Variants in B3GALT5 observed in about 807,000 individuals in gnomAD.
The protein encoded by B3GALT5 is beta-1,3-galactosyltransferase 5, also known as UDP-Gal:betaGlcNAc beta 1,3-galactosyltransferase, polypeptide 5.
For synonymous variants in B3GALT5, 156 were observed against 158.6 expected, an observed-to-expected ratio of 0.98 and a Z score of 0.12; for missense variants, 328 against 396.6, an observed-to-expected ratio of 0.83 and a Z score of 1.47.
rs548483955 is a variant in B3GALT5 at position 39,657,545 on chromosome 21, G to A, written c.-160-2208G>A. 11 of 203,062 alleles carry A rather than the reference G, an allele frequency of 5.4e-5. No homozygotes were observed. The East Asian group carries it at 1.2e-3, about 21-fold the overall frequency. 12.6% of individuals were successfully genotyped at this position (203,062 alleles called of 1,614,324 possible). Reference sequence around the variant, plus strand: ...ATCTGGTTCTGAGGCTCTTGGTCTTGGACTGAGCCACACTCCTGGCATCCC... The same window carrying A: ...ATCTGGTTCTGAGGCTCTTGGTCTTAGACTGAGCCACACTCCTGGCATCCC... On this transcript the variant is annotated intron_variant, in intron 2 of 3. Transcript: ENST00000684187.
At position 39,667,661 on chromosome 21, in the gene B3GALT5, A is replaced by G. The variant is rs1201075303; in HGVS notation, c.*6169A>G. ...AGCCTCCAGCTTCCATGGTGGCAGG[A>G]GCCATGGAAAATAGAGACCCACCCG... On this transcript the variant is annotated 3_prime_UTR_variant, in exon 4 of 4. Transcript: ENST00000684187. 1.3e-5 allele frequency: 2 copies of G among 152,218 alleles called. No individual in the cohort carries two copies. Among genetic ancestry groups the G allele is most frequent in the African/African-American group, 4.8e-5 (2 of 41,450 alleles). 9.4% of individuals were successfully genotyped at this position (152,218 alleles called of 1,614,324 possible). A position where few individuals can be genotyped will look rare whatever the true frequency, so the allele number is the denominator to read the frequency against.
In B3GALT5 at chr21:39,661,621, T is replaced by A; in HGVS notation, c.*129T>A. The A allele has an allele frequency of 1.1e-6, 1 of 949,156 alleles. No individual in the cohort carries two copies. Among genetic ancestry groups the A allele is most frequent in the Non-Finnish European group, 1.5e-6 (1 of 678,098 alleles). 58.8% of individuals were successfully genotyped at this position (949,156 alleles called of 1,614,324 possible). Reference sequence around the variant, plus strand: ...GCTGAAATCCACGCCAGAATGTCGGTGTTCATGAAGTCACTGATTAGTTCC... The same window carrying A: ...GCTGAAATCCACGCCAGAATGTCGGAGTTCATGAAGTCACTGATTAGTTCC... On this transcript the variant is annotated 3_prime_UTR_variant, in exon 4 of 4. Coordinates refer to ENST00000684187, the MANE Select transcript of B3GALT5 (RefSeq NM_001356336.2). The surrounding 1 kb of genome is among the most constrained non-coding windows in gnomAD (Gnocchi z 4.7).
chr21:39,620,877 A>G (rs2079131067), intron 1 of B3GALT5, among the ~76,000 whole-genome samples: 1 of 152,134 alleles, frequency 6.6e-6, no homozygotes, highest in Admixed American at 6.5e-5. Context: ...ATTGTCTATA[A>G]ACAAGAATAG....
rs2079570145 is a variant in B3GALT5, at chr21:39,665,431, C to T, written c.*3939C>T. 6.6e-6 allele frequency: 1 copy of T among 152,242 alleles called. No homozygotes were observed. The highest frequency in any genetic ancestry group is 1.5e-5 in the Non-Finnish European group (1 of 68,078). The allele number at this position is 152,242 out of a possible 1,614,324, so 9.4% of individuals were successfully genotyped here. Reference sequence around the variant, plus strand: ...AAATCTCATTTCTCTGCTCAAAACCCTCCTGAGGTTTCCCATCACCAAGGA... The same window carrying T: ...AAATCTCATTTCTCTGCTCAAAACCTTCCTGAGGTTTCCCATCACCAAGGA... On this transcript the variant is annotated 3_prime_UTR_variant, in exon 4 of 4. Transcript: ENST00000684187.
At chr21:39,645,715 A>T (rs1207042811) in intron 1 of B3GALT5, among the ~76,000 whole-genome samples, 3 of 152,132 alleles carry the variant, frequency 2.0e-5, no homozygotes, top group African/African-American at 7.2e-5. Flanking sequence ...TGGACTTGGA[A>T]TAGAGACCTG....
In B3GALT5 at chr21:39,657,069, C is replaced by T. The variant is rs138330474; in HGVS notation, c.-160-2684C>T. 2.1e-4 allele frequency among the ~76,000 whole-genome samples: 32 copies of T among 152,342 alleles called. No homozygotes were observed. In the East Asian group the frequency reaches 5.2e-3, roughly 25 times the overall value. On this transcript the variant is annotated intron_variant, in intron 2 of 3. Transcript: ENST00000684187. ...AGGCAGAGGAGAAGGGAGGTCTACA[C>T]GTTCTGCACTGTATTTATCTCCTTC... is the stretch of plus-strand genomic sequence containing the variant.
rs149752242 is a variant in B3GALT5, at chr21:39,643,505, G to A, written c.-391-2887G>A. ...CCTGGCAGCAACAGCTGCCTTGCCTGCCTCTGCTTTCGCAGCTGTTTTATG... is the reference window on the plus strand; with the variant it reads ...CCTGGCAGCAACAGCTGCCTTGCCTACCTCTGCTTTCGCAGCTGTTTTATG... On this transcript the variant is annotated intron_variant, in intron 1 of 3. Coordinates refer to ENST00000684187, the MANE Select transcript of B3GALT5 (RefSeq NM_001356336.2). Among the ~76,000 whole-genome samples the A allele has an allele frequency of 1.7e-3, 260 of 152,286 alleles. No individual in the cohort carries two copies. In the Middle Eastern group the frequency reaches 0.027, roughly 16 times the overall value.
At chr21:39,648,231 G>T (rs1569216164) in intron 2 of B3GALT5, among the ~76,000 whole-genome samples, 1 of 152,172 alleles carries the variant, frequency 6.6e-6, no homozygotes, top group South Asian at 2.1e-4. Context: ...AGATTTAAAA[G>T]AATTGGGTTA....
chr21:39,638,177 C>T (rs1431038643), intron 1 of B3GALT5, among the ~76,000 whole-genome samples: 1 of 152,176 alleles, frequency 6.6e-6, no homozygotes, highest in Non-Finnish European at 1.5e-5. Flanking sequence ...GCCCACGAAC[C>T]TAGGTGAGGA....
rs551130231 is a variant in B3GALT5, at chr21:39,639,880, C to G, written c.-391-6512C>G. Among the ~76,000 whole-genome samples the G allele has an allele frequency of 2.6e-5, 4 of 152,302 alleles. No homozygotes were observed. In the South Asian group the frequency reaches 6.2e-4, roughly 24 times the overall value. On this transcript the variant is annotated intron_variant, in intron 1 of 3. Transcript: ENST00000684187. ...GATGCAGGGCTTGTTAGAGCCTCCT[C>G]TCTTCATGCACGTGAAGAGAATGTC...
At chr21:39,639,436 C>CTTTT (rs2079269023) in intron 1 of B3GALT5, among the ~76,000 whole-genome samples, 1 of 108,908 alleles carries the variant, frequency 9.2e-6, no homozygotes, top group South Asian at 2.7e-4. Context: ...TTCTTTCTTT[C>CTTTT]TTTCTTTCTT....
In B3GALT5 at chr21:39,670,006, CTG is replaced by C. The variant is rs1191602830; in HGVS notation, c.*8518_*8519del. ...CTCCTGGGATTCGGCACTTAGTTAT[CTG>C]TGTCATTCCCAAGGACCTCCCGTTT... On this transcript the variant is annotated 3_prime_UTR_variant, in exon 4 of 4. Coordinates refer to ENST00000684187, the MANE Select transcript of B3GALT5 (RefSeq NM_001356336.2). The C allele has an allele frequency of 1.3e-5, 2 of 152,234 alleles. No homozygotes were observed. Among genetic ancestry groups the C allele is most frequent in the African/African-American group, 4.8e-5 (2 of 41,408 alleles). 9.4% of individuals were successfully genotyped at this position (152,234 alleles called of 1,614,324 possible).
At position 39,620,844 on chromosome 21, in the gene B3GALT5, A is replaced by G. The variant is rs200571701; in HGVS notation, c.-392+7777A>G. Among the ~76,000 whole-genome samples the G allele has an allele frequency of 4.6e-5, 7 of 152,330 alleles. No homozygotes were observed. In the South Asian group the frequency reaches 8.3e-4, roughly 18 times the overall value. On this transcript the variant is annotated intron_variant, in intron 1 of 3. Coordinates refer to ENST00000684187, the MANE Select transcript of B3GALT5 (RefSeq NM_001356336.2). ...GGTTGTTTGTGGCATAACCTAGCCT[A>G]TGTGGTCTGACATAATAATCATATT...
rs1176693179 is a variant in B3GALT5, at chr21:39,669,818, TG to T, written c.*8328del. ...GCGAGCAGCCTTGCTTTTCTCCACTTGGCACAGTGGTGAGTCCTCCGATGTA... is the reference window on the plus strand; with the variant it reads ...GCGAGCAGCCTTGCTTTTCTCCACTTGCACAGTGGTGAGTCCTCCGATGTA... On this transcript the variant is annotated 3_prime_UTR_variant, in exon 4 of 4. Transcript: ENST00000684187. The T allele has an allele frequency of 1.3e-5, 2 of 152,222 alleles. No individual in the cohort carries two copies. Among genetic ancestry groups the T allele is most frequent in the African/African-American group, 4.8e-5 (2 of 41,444 alleles). 9.4% of individuals were successfully genotyped at this position (152,222 alleles called of 1,614,324 possible). A position where few individuals can be genotyped will look rare whatever the true frequency, so the allele number is the denominator to read the frequency against.
chr21:39,640,438 C>A (rs2079280777), intron 1 of B3GALT5, among the ~76,000 whole-genome samples: 1 of 152,198 alleles, frequency 6.6e-6, no homozygotes, highest in South Asian at 2.1e-4. Context: ...CCCAGGTCAA[C>A]AGTTGCTCTC....
chr21:39,663,587 G>C lies in B3GALT5; in HGVS notation c.*2095G>C, dbSNP rs934482652. ...TCAACGAGCCTCAAACGAGCCTCCT[G>C]CCTCAGCCAGTGGGTAGTTGGGATT... On this transcript the variant is annotated 3_prime_UTR_variant, in exon 4 of 4. Transcript: ENST00000684187. 2 of 152,006 alleles carry C rather than the reference G, an allele frequency of 1.3e-5. No homozygotes were observed. The highest frequency in any genetic ancestry group is 1.3e-4 in the Admixed American group (2 of 15,238). The allele number at this position is 152,006 out of a possible 1,614,324, so 9.4% of individuals were successfully genotyped here.
At chr21:39,639,347 T>TTCCTTCCTTCC (rs2079260005) in intron 1 of B3GALT5, among the ~76,000 whole-genome samples, 47 of 66,770 alleles carry the variant, frequency 7.0e-4, no homozygotes, top group East Asian at 9.8e-4. Context: ...TCTTTCTTTC[T>TTCCTTCCTTCC]TTCCTTCCTT....
intron 2 of B3GALT5, chr21:39,657,573 C>T (rs984845708): frequency 8.6e-6 from 2 of 231,654 alleles, no homozygotes; most frequent in East Asian, 8.0e-5. Context: ...GGCATCCCAG[C>T]GTCTCCAGCT....
At chr21:39,628,143 A>G (rs2079173629) in intron 1 of B3GALT5, among the ~76,000 whole-genome samples, 1 of 152,236 alleles carries the variant, frequency 6.6e-6, no homozygotes, top group Admixed American at 6.5e-5. Flanking sequence ...AGAACACTAG[A>G]CATGATAGAC....
Sources: allele counts gnomAD v4.1 joint callset (sites outside exome capture counted in the v4.1 genomes callset), GRCh38; gene constraint gnomAD v4.1.1; non-coding constraint Gnocchi (gnomAD v3.1); transcripts MANE v1.5; gene names NCBI Gene and HGNC (gene_info 2026-07-23, HGNC 2026-07-21).